Variants in IL20RB observed in about 807,000 individuals in gnomAD.
IL20RB encodes the protein interleukin 20 receptor subunit beta.
A neutral mutation model predicts 33.3 loss-of-function variants in IL20RB; 21 were observed. The observed-to-expected ratio is 0.63, with a 90% CI of 0.45 to 0.91. The LOEUF is 0.91. Among genes scored for constraint, IL20RB ranks in the 40% least tolerant of loss-of-function variants. The pLI, the probability that IL20RB is intolerant of heterozygous loss-of-function variation, is 0.00. For synonymous variants in IL20RB, 147 were observed against 146.8 expected (o/e 1.00, Z -0.01); for missense variants, 345 against 384.8 (o/e 0.90, Z 0.86).
chr3:136,980,200 A>G (rs1293971025), intron 1 of IL20RB: 1 of 480,662 alleles, frequency 2.1e-6, no homozygotes, highest in Non-Finnish European at 3.8e-6. Flanking sequence ...ATTTATCAAC[A>G]AAGTCAGAAT....
Position 136,977,534 on chromosome 3 carries a change from A to T in IL20RB, c.89-2932A>T, listed in dbSNP as rs559066951. Among the ~76,000 whole-genome samples, 6 of 151,432 alleles carry T rather than the reference A, an allele frequency of 4.0e-5. No individual in the cohort carries two copies. In the East Asian group the frequency reaches 9.7e-4, roughly 25 times the overall value. ...TTTGTTGCTGGTATATAGAAATATA[A>T]TTTTTTTTTGAGATGGAGTCTTGCT... On this transcript the variant is annotated intron_variant, in intron 1 of 6. Transcript: ENST00000329582.
intron 1 of IL20RB, among the ~76,000 whole-genome samples, chr3:136,973,850 G>A (rs182444164): frequency 1.7e-3 from 257 of 152,048 alleles, no homozygotes; most frequent in Non-Finnish European, 3.1e-3. Flanking sequence ...CTTTTGACTT[G>A]AAGTCTATCT....
chr3:136,995,690 T>A (rs1002290484), intron 6 of IL20RB, 134 bp downstream of exon 6: 5 of 815,772 alleles, frequency 6.1e-6, no homozygotes, highest in Non-Finnish European at 9.5e-6. Context: ...GGGAGAGGAA[T>A]ACTTATAAAA....
At chr3:137,004,680 C>A (rs1402035026) in intron 6 of IL20RB, among the ~76,000 whole-genome samples, 2 of 152,078 alleles carry the variant, frequency 1.3e-5, no homozygotes, top group Admixed American at 6.6e-5. Context: ...GTCTTGCTAG[C>A]AGTCTATCAG....
At chr3:136,984,959 T>A (rs1339183615) in intron 3 of IL20RB, among the ~76,000 whole-genome samples, 1 of 152,162 alleles carries the variant, frequency 6.6e-6, no homozygotes, top group East Asian at 1.9e-4. Context: ...AGCATGGGGA[T>A]CCAGCCAAGA....
rs1255128928 is a variant in IL20RB, at chr3:136,992,102, C to A, written c.682+14C>A. On this transcript the variant is annotated intron_variant, in intron 5 of 6. Transcript: ENST00000329582. Reference sequence around the variant, plus strand: ...TGGAGGTGCAAGGTAAGGATGGCTTCTCTGTCCCTGGAGCCCTGCACAGGT... The same window carrying A: ...TGGAGGTGCAAGGTAAGGATGGCTTATCTGTCCCTGGAGCCCTGCACAGGT... 1.9e-6 allele frequency: 3 copies of A among 1,613,460 alleles called. No homozygotes were observed. Among genetic ancestry groups the A allele is most frequent in the Non-Finnish European group, 1.7e-6 (2 of 1,179,764 alleles).
chr3:136,972,890 T>C (rs542153811), intron 1 of IL20RB, among the ~76,000 whole-genome samples: 1 of 152,272 alleles, frequency 6.6e-6, no homozygotes, highest in South Asian at 2.1e-4. Flanking sequence ...GTTAGATTGT[T>C]AATTTTTAAT....
intron 3 of IL20RB, among the ~76,000 whole-genome samples, chr3:136,984,607 A>G (rs2108202389): frequency 6.6e-6 from 1 of 151,900 alleles, no homozygotes; most frequent in Non-Finnish European, 1.5e-5. Context: ...TTAGGTGGAA[A>G]TTAGGAAGGT....
chr3:137,009,821 G>A (rs1357265943), intron 6 of IL20RB, among the ~76,000 whole-genome samples: 4 of 151,934 alleles, frequency 2.6e-5, no homozygotes, highest in South Asian at 2.1e-4. Context: ...CATTGCACCT[G>A]CCTTTAATTT....
At chr3:137,004,755 T>C (rs756229243) in intron 6 of IL20RB, among the ~76,000 whole-genome samples, 1 of 152,180 alleles carries the variant, frequency 6.6e-6, no homozygotes, top group Non-Finnish European at 1.5e-5. Flanking sequence ...TTTTTTTGTG[T>C]GTCTCTCTCT....
intron 2 of IL20RB, 34 bp downstream of exon 2, chr3:136,980,626 AAGC>A: frequency 6.2e-7 from 1 of 1,613,108 alleles, no homozygotes; most frequent in Non-Finnish European, 8.5e-7. Context: ...CTTCTCCCTT[AAGC>A]AGAAGTTGGT....
chr3:136,979,401 A>G (rs759250301), intron 1 of IL20RB, among the ~76,000 whole-genome samples: 1 of 152,196 alleles, frequency 6.6e-6, no homozygotes, highest in African/African-American at 2.4e-5. Flanking sequence ...AAAGTCCCAA[A>G]TGAGGACTCC....
At chr3:136,998,184 T>TA (rs994149393) in intron 6 of IL20RB, among the ~76,000 whole-genome samples, 9 of 149,598 alleles carry the variant, frequency 6.0e-5, no homozygotes, top group African/African-American at 1.5e-4. Context: ...TTGGGTTAAT[T>TA]AAAAATTTTT....
At position 137,009,491 on chromosome 3, in the gene IL20RB, C is replaced by G. The variant is rs897298413; in HGVS notation, c.826-622C>G. Reference sequence around the variant, plus strand: ...GGTGCTGTTCATAAAGCATCTCAGACCAGGTCATAATTCTCAGAGCTCTGT... The same window carrying G: ...GGTGCTGTTCATAAAGCATCTCAGAGCAGGTCATAATTCTCAGAGCTCTGT... On this transcript the variant is annotated intron_variant, in intron 6 of 6. Coordinates refer to ENST00000329582, the MANE Select transcript of IL20RB (RefSeq NM_144717.4). Among the ~76,000 whole-genome samples the G allele has an allele frequency of 4.9e-4, 74 of 152,182 alleles. 1 individual carries two copies. The highest frequency in any genetic ancestry group is 1.7e-3 in the African/African-American group (72 of 41,506).
At chr3:136,991,143 G>C (rs892007292) in intron 4 of IL20RB, among the ~76,000 whole-genome samples, 1 of 152,188 alleles carries the variant, frequency 6.6e-6, no homozygotes, top group African/African-American at 2.4e-5. Context: ...GTGAGGAGGT[G>C]CTGCCCGTGG....
At chr3:136,983,415 T>C (rs181217731) in intron 3 of IL20RB, among the ~76,000 whole-genome samples, 73 of 152,216 alleles carry the variant, frequency 4.8e-4, no homozygotes, top group African/African-American at 1.7e-3. Context: ...AAAGCAACAC[T>C]CTGGCTGCTG....
intron 6 of IL20RB, among the ~76,000 whole-genome samples, chr3:136,999,429 G>A (rs567683307): frequency 6.6e-6 from 1 of 152,070 alleles, no homozygotes; most frequent in South Asian, 2.1e-4. Flanking sequence ...GTAGTGATGG[G>A]GTTCTCCCTA....
chr3:136,991,639 C>T (rs1399916530), intron 4 of IL20RB, among the ~76,000 whole-genome samples: 3 of 152,182 alleles, frequency 2.0e-5, no homozygotes, highest in African/African-American at 7.2e-5. Flanking sequence ...GACAGAGTCT[C>T]GCTCTGTCGC....
At chr3:136,997,707 G>A (rs1942158889) in intron 6 of IL20RB, among the ~76,000 whole-genome samples, 1 of 150,480 alleles carries the variant, frequency 6.6e-6, no homozygotes, top group African/African-American at 2.4e-5. Context: ...AGTCTTTTCT[G>A]TTATAATTAT....
Sources: gnomAD v4.1 joint callset for allele counts (sites outside exome capture counted in the v4.1 genomes callset) on GRCh38, gnomAD v4.1.1 for gene constraint, MANE v1.5 for transcripts, NCBI Gene and HGNC (gene_info 2026-07-23, HGNC 2026-07-21) for gene names.